GLYATL1: variants seen among roughly 807,000 people sequenced by gnomAD.
The protein encoded by GLYATL1 is glycine-N-acyltransferase like 1.
A neutral mutation model predicts 20.0 loss-of-function variants in GLYATL1; 15 were observed. The ratio of observed to expected loss-of-function variants is 0.75; its 90% CI spans 0.50 to 1.15. The LOEUF (loss-of-function observed/expected upper bound fraction) is 1.15. Among genes scored for constraint, GLYATL1 ranks in the 50% most tolerant of loss-of-function variants. The pLI is 0.00. For synonymous variants in GLYATL1, 151 were observed against 131.5 expected (o/e 1.15, Z -1.01); for missense variants, 380 against 368.5 (o/e 1.03, Z -0.26).
intron 2 of GLYATL1, among the ~76,000 whole-genome samples, chr11:58,945,856 G>T (rs1478828458): frequency 1.3e-5 from 2 of 152,174 alleles, no homozygotes; most frequent in African/African-American, 4.8e-5. Flanking sequence ...ATGAGATCTT[G>T]CAAAAGGATG....
intron 1 of GLYATL1, among the ~76,000 whole-genome samples, chr11:58,916,471 AC>A (rs1855174655): frequency 6.6e-6 from 1 of 152,230 alleles, no homozygotes; most frequent in African/African-American, 2.4e-5. Context: ...GAGATGTTAA[AC>A]AAGTAGCCCA....
rs1162468609 is a variant in GLYATL1 at position 58,956,102 on chromosome 11, C to T, written c.*75C>T. 1.3e-5 allele frequency: 17 copies of T among 1,341,824 alleles called. No homozygotes were observed. Among genetic ancestry groups the T allele is most frequent in the Non-Finnish European group, 1.8e-5 (17 of 963,652 alleles). The allele number at this position is 1,341,824 out of a possible 1,614,324, so 83.1% of individuals were successfully genotyped here. A position where few individuals can be genotyped will look rare whatever the true frequency, so the allele number is the denominator to read the frequency against. ...GCAGACACCACAGAATAGATTTCTT[C>T]ACTTACAAATGCATATTGGGCACTT... On this transcript the variant is annotated 3_prime_UTR_variant, in exon 7 of 7. Transcript: ENST00000532726.
Position 58,955,910 on chromosome 11 carries a change from C to T in GLYATL1, c.792C>T (p.Ile264=). The stretch of plus-strand genomic sequence containing the variant: ...GTCAGAAGAATATTCCATTTTACAT[C>T]TCTGTGTTGGAAGAAAATGAAGACT... ...YLRQKNIPFY[I]SVLEENEDSR... Residue 264 remains isoleucine (I), a synonymous_variant, in exon 7 of 7, where the codon ATC becomes ATT. Coordinates refer to ENST00000532726, the MANE Select transcript of GLYATL1 (RefSeq NM_001389712.2). 1 of 1,614,216 alleles carries T rather than the reference C, an allele frequency of 6.2e-7. No homozygotes were observed. Among genetic ancestry groups the T allele is most frequent in the Non-Finnish European group, 8.5e-7 (1 of 1,180,034 alleles).
At chr11:58,932,883 A>G (rs552072895) in intron 1 of GLYATL1, among the ~76,000 whole-genome samples, 1 of 152,378 alleles carries the variant, frequency 6.6e-6, no homozygotes, top group Non-Finnish European at 1.5e-5. Flanking sequence ...GGAGGGACAC[A>G]CTGTATGCCT....
At chr11:58,949,028 A>C (rs944394868) in intron 4 of GLYATL1, among the ~76,000 whole-genome samples, 1 of 152,276 alleles carries the variant, frequency 6.6e-6, no homozygotes, top group African/African-American at 2.4e-5. Flanking sequence ...CACTTAGTAC[A>C]TAGCACATAA....
chr11:58,943,375 C>T, intron 1 of GLYATL1, 168 bp from the exon 2 acceptor site: 1 of 1,544,224 alleles, frequency 6.5e-7, no homozygotes, highest in Admixed American at 2.0e-5. Context: ...ATTTCTGGTT[C>T]CTGTACATCA....
intron 2 of GLYATL1, among the ~76,000 whole-genome samples, chr11:58,945,472 G>A (rs1856500285): frequency 6.6e-6 from 1 of 152,132 alleles, no homozygotes; most frequent in Non-Finnish European, 1.5e-5. Flanking sequence ...GGGGTATTTT[G>A]GACAAAGATT....
downstream of GLYATL1, among the ~76,000 whole-genome samples, chr11:58,911,850 C>T (rs997219793): frequency 2.6e-5 from 4 of 152,180 alleles, no homozygotes; most frequent in Admixed American, 2.6e-4. Context: ...GTTTATTTCT[C>T]TTTGCGGATC....
chr11:58,952,311 C>A (rs1005060434), intron 4 of GLYATL1, among the ~76,000 whole-genome samples: 2 of 152,084 alleles, frequency 1.3e-5, no homozygotes, highest in Non-Finnish European at 1.5e-5. Flanking sequence ...GCCATCCTGG[C>A]CTTTCTAAAA....
At chr11:58,917,377 A>T (rs1403643369) in intron 1 of GLYATL1, 1 of 152,184 alleles carries the variant, frequency 6.6e-6, no homozygotes, top group African/African-American at 2.4e-5. Flanking sequence ...ACAGCCAAAC[A>T]CTGGTCCCAG....
At chr11:58,927,496 T>C (rs1487539339), upstream of GLYATL1, 1 of 152,300 alleles carries the variant, frequency 6.6e-6, no homozygotes, top group African/African-American at 2.4e-5. Context: ...CCATTGGCTG[T>C]TCCTGGCCAG....
chr11:58,947,347 G>A (rs1856645063), intron 3 of GLYATL1, 182 bp downstream of exon 3: 1 of 795,136 alleles, frequency 1.3e-6, no homozygotes, highest in Admixed American at 3.0e-5. Context: ...GAGGCAGCTA[G>A]GTCCACTCTG....
At chr11:58,929,652 C>T (rs1855528477) in intron 1 of GLYATL1, among the ~76,000 whole-genome samples, 2 of 152,146 alleles carry the variant, frequency 1.3e-5, no homozygotes, top group Non-Finnish European at 1.5e-5. Flanking sequence ...TCTGTAAGAC[C>T]TCCAGGGATT....
upstream of GLYATL1, among the ~76,000 whole-genome samples, chr11:58,927,003 C>A (rs1855443707): frequency 2.0e-5 from 3 of 152,188 alleles, no homozygotes; most frequent in African/African-American, 7.2e-5. Context: ...GACAGTCATT[C>A]ATGCATGTTT....
chr11:58,937,731 C>T (rs910039313), upstream of GLYATL1, among the ~76,000 whole-genome samples: 5 of 152,136 alleles, frequency 3.3e-5, no homozygotes, highest in South Asian at 1.0e-3. Flanking sequence ...CTCAGATTCC[C>T]TAGGAAGTTT....
chr11:58,906,441 TG>T (rs1226396480), intron 1 of GLYATL1, among the ~76,000 whole-genome samples: 1 of 152,170 alleles, frequency 6.6e-6, no homozygotes, highest in African/African-American at 2.4e-5. Context: ...GATCAGGGAA[TG>T]GAACAGGAGA....
At chr11:58,906,755 A>G (rs1854897808) in intron 1 of GLYATL1, among the ~76,000 whole-genome samples, 1 of 152,210 alleles carries the variant, frequency 6.6e-6, no homozygotes, top group South Asian at 2.1e-4. Flanking sequence ...TTGTTTCTGT[A>G]AGCAAGCACA....
At position 58,947,938 on chromosome 11, in the gene GLYATL1, G is replaced by A. The variant is rs1856698463; in HGVS notation, c.159G>A (p.Gln53=). The A allele has an allele frequency of 2.5e-6, 4 of 1,613,674 alleles. No homozygotes were observed. The highest frequency in any genetic ancestry group is 2.5e-6 in the Non-Finnish European group (3 of 1,179,756). The change falls in exon 4 of 7, where the codon CAG becomes CAA. Residue 53 remains glutamine (Q), a synonymous_variant. Coordinates refer to ENST00000532726, the MANE Select transcript of GLYATL1 (RefSeq NM_001389712.2). ...TGGTGGATTCCTGGCCTGAATATCA[G>A]ATGGTTATTATCCGGCCTCAAAAGC... The part of the protein sequence containing the change: ...EVLVDSWPEY[Q]MVIIRPQKQE...
chr11:58,933,954 G>A (rs1855712600), intron 1 of GLYATL1: 1 of 152,522 alleles, frequency 6.6e-6, no homozygotes, highest in Admixed American at 6.5e-5. Flanking sequence ...GGTATGTGGG[G>A]ATGAACGTAA....
Sources: gnomAD v4.1 joint callset for allele counts (sites outside exome capture counted in the v4.1 genomes callset) on GRCh38, gnomAD v4.1.1 for gene constraint, MANE v1.5 for transcripts, NCBI Gene and HGNC (gene_info 2026-07-23, HGNC 2026-07-21) for gene names.